KCNH7: variants seen among roughly 807,000 people sequenced by gnomAD.
The protein encoded by KCNH7 is voltage-gated inwardly rectifying potassium channel KCNH7.
Under a neutral mutation model 120.8 loss-of-function variants are expected in KCNH7, and 49 were observed. The ratio of observed to expected loss-of-function variants is 0.41; its 90% CI spans 0.32 to 0.51. The LOEUF is 0.51. Among genes scored for constraint, KCNH7 ranks in the 20% least tolerant of loss-of-function variants. KCNH7 has a pLI of 0.38. For missense variants in KCNH7, 1,097 were observed against 1,446.6 expected (o/e 0.76, Z 3.92); for synonymous variants, 547 against 516.1 (o/e 1.06, Z -0.81).
chr2:162,667,024 T>C (rs1217557659), intron 2 of KCNH7, among the ~76,000 whole-genome samples: 10 of 148,064 alleles, frequency 6.8e-5, no homozygotes, highest in Non-Finnish European at 1.3e-4. Context: ...TTTTCTTTTT[T>C]TTTTTTTTTT....
intron 2 of KCNH7, among the ~76,000 whole-genome samples, chr2:162,667,812 T>C (rs780771743): frequency 3.3e-5 from 5 of 152,312 alleles, no homozygotes; most frequent in Non-Finnish European, 4.4e-5. Context: ...TTGTTTTGTG[T>C]TTGTTGTTTT....
intron 2 of KCNH7, among the ~76,000 whole-genome samples, chr2:162,617,556 C>T (rs1683192546): frequency 6.6e-6 from 1 of 151,856 alleles, no homozygotes; most frequent in African/African-American, 2.4e-5. Flanking sequence ...TTGGGTCAGA[C>T]ATTAGAGGAA....
intron 2 of KCNH7, among the ~76,000 whole-genome samples, chr2:162,742,869 G>A (rs577704882): frequency 1.3e-5 from 2 of 151,944 alleles, no homozygotes; most frequent in South Asian, 4.1e-4. Context: ...GATTTTTTTT[G>A]TTTTCTTTTG....
At chr2:162,832,045 C>T (rs1338398501) in intron 2 of KCNH7, among the ~76,000 whole-genome samples, 1 of 152,030 alleles carries the variant, frequency 6.6e-6, no homozygotes, top group Non-Finnish European at 1.5e-5. Context: ...GGATAACATT[C>T]AAAGTCCATG....
chr2:162,376,364 G>GTTT (rs374453027), intron 14 of KCNH7, among the ~76,000 whole-genome samples: 16 of 146,034 alleles, frequency 1.1e-4, no homozygotes, highest in African/African-American at 4.0e-4. Context: ...TCAAAGTGTG[G>GTTT]TTTGTTTTTT....
intron 2 of KCNH7, among the ~76,000 whole-genome samples, chr2:162,706,960 C>T (rs73974049): frequency 6.6e-6 from 1 of 151,928 alleles, no homozygotes; most frequent in Non-Finnish European, 1.5e-5. Flanking sequence ...AAGCCAAGGG[C>T]TATCTCCGGT....
intron 6 of KCNH7, among the ~76,000 whole-genome samples, chr2:162,460,635 A>G (rs1008170305): frequency 6.6e-6 from 1 of 152,158 alleles, no homozygotes; most frequent in Admixed American, 6.6e-5. Flanking sequence ...ACCATCATAA[A>G]ACACATTCTC....
At chr2:162,757,795 T>G (rs1688838947) in intron 2 of KCNH7, among the ~76,000 whole-genome samples, 1 of 152,176 alleles carries the variant, frequency 6.6e-6, no homozygotes, top group African/African-American at 2.4e-5. Context: ...GATGAATGTC[T>G]TGTTTCTTAG....
At chr2:162,537,154 A>C in intron 2 of KCNH7, 74 bp from the exon 3 acceptor site, 1 of 1,178,082 alleles carries the variant, frequency 8.5e-7, no homozygotes, top group Admixed American at 2.2e-5. Flanking sequence ...TTAAAATTGA[A>C]ATATACTCTT....
intron 8 of KCNH7, among the ~76,000 whole-genome samples, chr2:162,428,553 T>C (rs1334254405): frequency 6.6e-6 from 1 of 151,952 alleles, no homozygotes; most frequent in Non-Finnish European, 1.5e-5. Flanking sequence ...TAGCTGTTAG[T>C]ATTATTTAAG....
intron 6 of KCNH7, among the ~76,000 whole-genome samples, chr2:162,468,034 G>A (rs915433559): frequency 6.6e-6 from 1 of 152,154 alleles, no homozygotes. Context: ...TCATAGGAAT[G>A]TAGAAGAGAT....
intron 12 of KCNH7, among the ~76,000 whole-genome samples, chr2:162,392,273 CGT>C (rs368607515): frequency 1.5e-4 from 22 of 149,380 alleles, no homozygotes; most frequent in African/African-American, 2.2e-4. Context: ...GGTATGAATT[CGT>C]GTGTGTGTGT....
intron 2 of KCNH7, among the ~76,000 whole-genome samples, chr2:162,638,036 G>A (rs1684023625): frequency 1.3e-5 from 2 of 152,110 alleles, no homozygotes; most frequent in East Asian, 1.9e-4. Context: ...TCGTTCAATG[G>A]GAAGCACACT....
chr2:162,736,872 T>TA (rs565764349), intron 2 of KCNH7, among the ~76,000 whole-genome samples: 1 of 152,152 alleles, frequency 6.6e-6, no homozygotes, highest in Non-Finnish European at 1.5e-5. Context: ...ATTAAACCCT[T>TA]AAAAAATAAC....
At chr2:162,633,458 C>T (rs1286705986) in intron 2 of KCNH7, among the ~76,000 whole-genome samples, 1 of 151,910 alleles carries the variant, frequency 6.6e-6, no homozygotes, top group Non-Finnish European at 1.5e-5. Flanking sequence ...GATGATAAAA[C>T]ACTGAAAGAT....
At chr2:162,491,539 C>T (rs1024032147) in intron 6 of KCNH7, among the ~76,000 whole-genome samples, 23 of 152,110 alleles carry the variant, frequency 1.5e-4, no homozygotes, top group Non-Finnish European at 3.4e-4. Flanking sequence ...ATCTATGACA[C>T]AGACAAGGTA....
chr2:162,584,500 G>A (rs1423936087), intron 2 of KCNH7, among the ~76,000 whole-genome samples: 2 of 152,038 alleles, frequency 1.3e-5, no homozygotes. Context: ...ACCTAAAGTG[G>A]TTTAGCTCTT....
intron 2 of KCNH7, among the ~76,000 whole-genome samples, chr2:162,651,960 T>C (rs1287834809): frequency 2.0e-5 from 3 of 152,218 alleles, no homozygotes; most frequent in South Asian, 2.1e-4. Context: ...ATCAGTGATA[T>C]TGAGCTTTTT....
intron 2 of KCNH7, among the ~76,000 whole-genome samples, chr2:162,562,959 A>G (rs758689642): frequency 1.3e-5 from 2 of 152,142 alleles, no homozygotes; most frequent in Non-Finnish European, 2.9e-5. Context: ...CACTTTTGCC[A>G]TAGTTCGAGG....
Sources: gnomAD v4.1 joint callset for allele counts (sites outside exome capture counted in the v4.1 genomes callset) on GRCh38, gnomAD v4.1.1 for gene constraint, MANE v1.5 for transcripts, NCBI Gene and HGNC (gene_info 2026-07-23, HGNC 2026-07-21) for gene names.